LINGO2: variants seen among roughly 807,000 people sequenced by gnomAD.
The protein encoded by LINGO2 is leucine rich repeat and Ig domain containing 2.
In LINGO2, 14 loss-of-function variants were observed where a neutral mutation model predicts 30.6. That is an observed-to-expected ratio of 0.46 (90% CI 0.30 to 0.72). LINGO2 has a LOEUF of 0.72. LINGO2 is among the 30% of genes least tolerant of loss of function. LINGO2 has a pLI of 0.07. For missense variants in LINGO2, 729 were observed against 751.7 expected (o/e 0.97, Z 0.35); for synonymous variants, 317 against 288.5 (o/e 1.10, Z -1.00).
At chr9:28,223,017 A>C (rs1821021047) in intron 4 of LINGO2, among the ~76,000 whole-genome samples, 1 of 152,206 alleles carries the variant, frequency 6.6e-6, no homozygotes, top group Non-Finnish European at 1.5e-5. Context: ...GAAAAGGAGA[A>C]GAATCACCTG....
At chr9:28,634,015 C>G (rs1185492910) in intron 1 of LINGO2, among the ~76,000 whole-genome samples, 1 of 152,074 alleles carries the variant, frequency 6.6e-6, no homozygotes, top group African/African-American at 2.4e-5. Context: ...TAAGCAGAGA[C>G]CAAGGGCTCT....
At chr9:28,769,516 ATATTTTTTTTTTTTTT>A in the LINGO2 span, among the ~76,000 whole-genome samples, 3 of 1,916 alleles carry the variant, frequency 1.6e-3, 1 homozygote, top group African/African-American at 4.3e-3. Context: ...ATATATATAT[ATATTTTTTTTTTTTTT>A]TTTTTTTTTT....
chr9:28,743,014 T>C, the LINGO2 span, among the ~76,000 whole-genome samples: 2 of 151,948 alleles, frequency 1.3e-5, no homozygotes, highest in African/African-American at 2.4e-5. Context: ...CTATATGATA[T>C]ATTTCTTTTT....
chr9:29,126,025 A>T, the LINGO2 span, among the ~76,000 whole-genome samples: 1 of 152,148 alleles, frequency 6.6e-6, no homozygotes, highest in Non-Finnish European at 1.5e-5. Context: ...CATTACTATT[A>T]GAAATCTGCT....
chr9:28,387,978 C>A (rs1487467038), intron 2 of LINGO2, among the ~76,000 whole-genome samples: 2 of 152,156 alleles, frequency 1.3e-5, no homozygotes, highest in Non-Finnish European at 2.9e-5. Flanking sequence ...GACCAAGAAC[C>A]CACCAATTCT....
intron 2 of LINGO2, among the ~76,000 whole-genome samples, chr9:28,462,904 G>C (rs1347681362): frequency 3.9e-5 from 6 of 151,982 alleles, no homozygotes. Context: ...AAGCCAACTT[G>C]GTGACACCTT....
chr9:29,146,036 A>T, the LINGO2 span, among the ~76,000 whole-genome samples: 37,978 of 152,064 alleles, frequency 0.25, 4,944 homozygotes, highest in East Asian at 0.4. Flanking sequence ...GAACAAATAT[A>T]AAACTAGTGC....
the LINGO2 span, among the ~76,000 whole-genome samples, chr9:28,691,192 G>A: frequency 6.6e-6 from 1 of 152,180 alleles, no homozygotes; most frequent in Non-Finnish European, 1.5e-5. Context: ...GTTCTCAAAA[G>A]AGATTGGTTT....
chr9:29,112,983 A>C, the LINGO2 span, among the ~76,000 whole-genome samples: 1 of 152,224 alleles, frequency 6.6e-6, no homozygotes, highest in African/African-American at 2.4e-5. Context: ...ACATTTAGTA[A>C]GTAAAGGATT....
At chr9:28,172,020 A>AAAC (rs1554682015) in intron 4 of LINGO2, among the ~76,000 whole-genome samples, 9 of 85,888 alleles carry the variant, frequency 1.0e-4, no homozygotes, top group African/African-American at 5.7e-4. Context: ...CCGTCTCAAA[A>AAAC]AAAAAAAAAA....
the LINGO2 span, among the ~76,000 whole-genome samples, chr9:28,848,339 A>G: frequency 8.7e-6 from 1 of 114,334 alleles, no homozygotes; most frequent in Non-Finnish European, 1.7e-5. Flanking sequence ...ATACATATAT[A>G]GTGTATATAT....
At chr9:29,031,425 G>A in the LINGO2 span, among the ~76,000 whole-genome samples, 1 of 152,088 alleles carries the variant, frequency 6.6e-6, no homozygotes, top group East Asian at 1.9e-4. Flanking sequence ...TAGGATTACA[G>A]GTTCTTGCCA....
the LINGO2 span, among the ~76,000 whole-genome samples, chr9:29,120,871 T>G: frequency 6.6e-6 from 1 of 152,152 alleles, no homozygotes; most frequent in South Asian, 2.1e-4. Context: ...TTATAAGAAC[T>G]ATATAAGGTA....
intron 2 of LINGO2, among the ~76,000 whole-genome samples, chr9:28,396,444 C>A (rs1822044024): frequency 3.3e-5 from 5 of 152,018 alleles, no homozygotes; most frequent in Admixed American, 3.3e-4. Flanking sequence ...GTGGCTCATG[C>A]CTGTAATCCC....
chr9:28,440,066 A>G lies in LINGO2; in HGVS notation c.-279+35874T>C, dbSNP rs139889399. On this transcript the variant is annotated intron_variant, in intron 2 of 5. Transcript: ENST00000379992. ...TAACAGAGCCCATCCTGACTGATAC[A>G]ATCCTTAAGGGAATAACTTAATACC... is the stretch of plus-strand genomic sequence containing the variant. Among the ~76,000 whole-genome samples the G allele has an allele frequency of 2.5e-4, 38 of 152,286 alleles. No individual in the cohort carries two copies. The East Asian group carries it at 7.0e-3, about 28-fold the overall frequency.
At chr9:28,956,484 T>C in the LINGO2 span, among the ~76,000 whole-genome samples, 1 of 152,116 alleles carries the variant, frequency 6.6e-6, no homozygotes, top group Admixed American at 6.6e-5. Context: ...GGAATCACAC[T>C]GGTATTTCCC....
chr9:28,769,537 T>G, the LINGO2 span, among the ~76,000 whole-genome samples: 2 of 101,516 alleles, frequency 2.0e-5, no homozygotes, highest in Non-Finnish European at 3.8e-5. Context: ...TTTTTTTTTT[T>G]TTTTTTTTAC....
chr9:28,926,039 G>A, the LINGO2 span, among the ~76,000 whole-genome samples: 1 of 152,210 alleles, frequency 6.6e-6, no homozygotes, highest in African/African-American at 2.4e-5. Context: ...GTTAAGCCAG[G>A]TGTGGTGGCT....
chr9:29,126,125 A>C, the LINGO2 span, among the ~76,000 whole-genome samples: 238 of 152,254 alleles, frequency 1.6e-3, 1 homozygote, highest in South Asian at 3.1e-3. Context: ...CCATGCCCTT[A>C]GGCTCTTTCA....
Sources: allele counts gnomAD v4.1 joint callset (sites outside exome capture counted in the v4.1 genomes callset), GRCh38; gene constraint gnomAD v4.1.1; transcripts MANE v1.5; gene names NCBI Gene and HGNC (gene_info 2026-07-23, HGNC 2026-07-21).